Variants in RBM12 observed in about 807,000 individuals in gnomAD.
RBM12 encodes RNA binding motif protein 12, also known as RNA-binding protein 12.
RBM12 carries 24 observed loss-of-function variants against 37.2 expected under a neutral mutation model. The ratio of observed to expected loss-of-function variants is 0.65; its 90% CI spans 0.47 to 0.91. The LOEUF (loss-of-function observed/expected upper bound fraction) is 0.91, where lower values mean the gene tolerates loss of function less well. Among genes scored for constraint, RBM12 ranks in the 40% least tolerant of loss-of-function variants. RBM12 has a pLI of 0.00. For synonymous variants in RBM12, 420 were observed against 425.2 expected, an observed-to-expected ratio of 0.99 and a Z score of 0.15; for missense variants, 1,061 against 1,183.2, an observed-to-expected ratio of 0.90 and a Z score of 1.52.
chr20:35,661,480 G>C (rs771570059), intron 1 of RBM12, among the ~76,000 whole-genome samples: 1 of 152,162 alleles, frequency 6.6e-6, no homozygotes. Flanking sequence ...TAGGAAAGGA[G>C]AAAATGGGCC....
chr20:35,664,749 G>C lies in RBM12; in HGVS notation c.-108+11C>G, dbSNP rs1282072905. 1.3e-5 allele frequency: 2 copies of C among 152,316 alleles called. No homozygotes were observed. The highest frequency in any genetic ancestry group is 4.8e-5 in the African/African-American group (2 of 41,464). 9.4% of individuals were successfully genotyped at this position (152,316 alleles called of 1,614,324 possible). ...ACAGCCCCACCCGTTCAGGGGCTGCGGGAGTCTTACCGGGGAAAGCTGCGC... is the reference window on the plus strand; with the variant it reads ...ACAGCCCCACCCGTTCAGGGGCTGCCGGAGTCTTACCGGGGAAAGCTGCGC... On this transcript the variant is annotated intron_variant, in intron 1 of 2. Transcript: ENST00000374114.
Position 35,649,159 on chromosome 20 carries a change from G to A in RBM12, c.*3365C>T, listed in dbSNP as rs2033329121. 1 of 152,322 alleles carries A rather than the reference G, an allele frequency of 6.6e-6. No homozygotes were observed. Among genetic ancestry groups the A allele is most frequent in the Non-Finnish European group, 1.5e-5 (1 of 68,038 alleles). The allele number at this position is 152,322 out of a possible 1,614,324, so 9.4% of individuals were successfully genotyped here. Reference sequence around the variant, plus strand: ...ATTTAAATGTGGCAATTTTGCAAGGGTGGAAAATAATTTTTAAAGTGACCA... The same window carrying A: ...ATTTAAATGTGGCAATTTTGCAAGGATGGAAAATAATTTTTAAAGTGACCA... On this transcript the variant is annotated 3_prime_UTR_variant, in exon 3 of 3. Transcript: ENST00000374114.
chr20:35,651,217 T>C lies in RBM12; in HGVS notation c.*1307A>G, dbSNP rs1441795892. 1 of 152,228 alleles carries C rather than the reference T, an allele frequency of 6.6e-6. No homozygotes were observed. Among genetic ancestry groups the C allele is most frequent in the Admixed American group, 6.5e-5 (1 of 15,282 alleles). The allele number at this position is 152,228 out of a possible 1,614,324, so 9.4% of individuals were successfully genotyped here. On this transcript the variant is annotated 3_prime_UTR_variant, in exon 3 of 3. Transcript: ENST00000374114. Reference sequence around the variant, plus strand: ...TTCAGAGCACTGACTAGGGAAATCATAATTAGAGCCTTGTAAGGCAAGTGT... The same window carrying C: ...TTCAGAGCACTGACTAGGGAAATCACAATTAGAGCCTTGTAAGGCAAGTGT...
chr20:35,652,911 C>G lies in RBM12; in HGVS notation c.2412G>C (p.Gly804=). 1 of 1,613,736 alleles carries G rather than the reference C, an allele frequency of 6.2e-7. No homozygotes were observed. Among genetic ancestry groups the G allele is most frequent in the Non-Finnish European group, 8.5e-7 (1 of 1,180,018 alleles). ...NGPGSLGGPP[G]FGSGPPGLGS... is the part of the protein sequence containing the mutation. Reference sequence around the variant, plus strand: ...CAAGACCAGGAGGGCCACTTCCAAACCCCGGGGGACCGCCTAAGCTACCAG... The same window carrying G: ...CAAGACCAGGAGGGCCACTTCCAAAGCCCGGGGGACCGCCTAAGCTACCAG... The change falls in exon 3 of 3, where the codon GGG becomes GGC. Residue 804 remains glycine (G), a synonymous_variant. Coordinates refer to ENST00000374114, the MANE Select transcript of RBM12 (RefSeq NM_006047.6).
intron 2 of RBM12, among the ~76,000 whole-genome samples, chr20:35,656,955 C>T (rs2033937328): frequency 6.6e-6 from 1 of 152,200 alleles, no homozygotes; most frequent in African/African-American, 2.4e-5. Context: ...AATTCTGTAA[C>T]TTCATTGTCA....
At chr20:35,660,606 CAG>C (rs988524336) in intron 1 of RBM12, among the ~76,000 whole-genome samples, 1 of 152,064 alleles carries the variant, frequency 6.6e-6, no homozygotes, top group African/African-American at 2.4e-5. Context: ...AAATGTGAAA[CAG>C]AAAAAAACCT....
At chr20:35,658,831 AC>A (rs2034063560) in intron 2 of RBM12, 98 bp downstream of exon 2, 3 of 640,016 alleles carry the variant, frequency 4.7e-6, no homozygotes, top group African/African-American at 3.8e-5. Flanking sequence ...ACACACACAC[AC>A]ACACACAATA....
Position 35,664,900 on chromosome 20 carries a change from T to C in RBM12, c.-248A>G, listed in dbSNP as rs1337934428. Reference sequence around the variant, plus strand: ...CCACCTCCTTCGCCGCTTCACAAAATGGCCGTCGGCCCGCTCAGCGGCTCC... The same window carrying C: ...CCACCTCCTTCGCCGCTTCACAAAACGGCCGTCGGCCCGCTCAGCGGCTCC... On this transcript the variant is annotated 5_prime_UTR_variant, in exon 1 of 3. Coordinates refer to ENST00000374114, the MANE Select transcript of RBM12 (RefSeq NM_006047.6). 6.6e-6 allele frequency: 1 copy of C among 152,316 alleles called. No individual in the cohort carries two copies. The allele number at this position is 152,316 out of a possible 1,614,324, so 9.4% of individuals were successfully genotyped here.
chr20:35,652,851 A>T lies in RBM12; in HGVS notation c.2472T>A (p.Ala824=), dbSNP rs1016790039. 3 of 1,607,124 alleles carry T rather than the reference A, an allele frequency of 1.9e-6. No individual in the cohort carries two copies. The highest frequency in any genetic ancestry group is 1.3e-5 in the African/African-American group (1 of 74,688). ...SAPGHLGGPP[A]FGPGPGPGPG... ...GGCCGGGGCCGGGGCCAGGCCCAAA[A>T]GCTGGTGGCCCACCCAAATGCCCAG... The change falls in exon 3 of 3, where the codon GCT becomes GCA. Residue 824 remains alanine (A), a synonymous_variant. Coordinates refer to ENST00000374114, the MANE Select transcript of RBM12 (RefSeq NM_006047.6).
rs759788110 is a variant in RBM12, at chr20:35,653,776, A to G, written c.1547T>C (p.Met516Thr). Residue 516 changes from methionine to threonine, a missense_variant, in exon 3 of 3, where the codon ATG becomes ACG. By Grantham distance (81) the Met-to-Thr change is moderately conservative. Coordinates refer to ENST00000374114, the MANE Select transcript of RBM12 (RefSeq NM_006047.6). ...TKKGMLEKID[M>T]IRKRLQNFSY... ...GAAGTTCTGCAGTCTTTTTCGAATC[A>G]TATCTATCTTTTCTAGCATACCTTT... The G allele has an allele frequency of 1.6e-5, 26 of 1,613,926 alleles. No homozygotes were observed. The Admixed American group carries it at 3.7e-4, about 23-fold the overall frequency.
In RBM12 at chr20:35,654,562, G is replaced by C. The variant is rs764477459; in HGVS notation, c.761C>G (p.Pro254Arg). 1.2e-6 allele frequency: 2 copies of C among 1,614,226 alleles called. No individual in the cohort carries two copies. Among genetic ancestry groups the C allele is most frequent in the Admixed American group, 3.3e-5 (2 of 60,028 alleles). ...MPPLNPPPVA[P>R]LPAGMNGSGA... is the part of the protein sequence containing the mutation. Reference sequence around the variant, plus strand: ...AGAGCCATTCATTCCAGCAGGTAGAGGTGCCACAGGTGGCGGATTCAAGGG... The same window carrying C: ...AGAGCCATTCATTCCAGCAGGTAGACGTGCCACAGGTGGCGGATTCAAGGG... The change falls in exon 3 of 3, where the codon CCT becomes CGT. Residue 254 changes from proline to arginine, a missense_variant. Pro to Arg is a moderately radical substitution (Grantham distance 103, BLOSUM62 -2). Coordinates refer to ENST00000374114, the MANE Select transcript of RBM12 (RefSeq NM_006047.6).
chr20:35,650,852 T>C lies in RBM12; in HGVS notation c.*1672A>G, dbSNP rs1022297757. On this transcript the variant is annotated 3_prime_UTR_variant, in exon 3 of 3. Transcript: ENST00000374114. ...GGCACTGTATATATATATAGTTTAA[T>C]AGGAAATACTTATTTTAAAAGACTG... is the stretch of plus-strand genomic sequence containing the variant. The C allele has an allele frequency of 2.0e-5, 3 of 152,628 alleles. No homozygotes were observed. The highest frequency in any genetic ancestry group is 2.1e-4 in the South Asian group (1 of 4,834). 9.5% of individuals were successfully genotyped at this position (152,628 alleles called of 1,614,324 possible).
rs1452560566 is a variant in RBM12 at position 35,653,855 on chromosome 20, G to A, written c.1468C>T (p.Arg490Cys). Residue 490 changes from arginine to cysteine, a missense_variant, in exon 3 of 3, where the codon CGT becomes TGT. This residue lies in a region of RBM12 where 540 missense variants were observed against 632.7 expected (regional missense o/e 0.85). Transcript: ENST00000374114. ...CGATTGCCCATGTACTGTTTATGAC[G>A]ACACAGAGCAGCCTTATAGTCAGCC... The part of the protein sequence containing the change: ...NEADYKAALC[R>C]HKQYMGNRFI... 9 of 1,613,730 alleles carry A rather than the reference G, an allele frequency of 5.6e-6. No homozygotes were observed. Among genetic ancestry groups the A allele is most frequent in the Non-Finnish European group, 7.6e-6 (9 of 1,180,024 alleles).
chr20:35,658,802 A>AACACAC lies in RBM12; in HGVS notation c.-23+122_-23+127dup, dbSNP rs10542710. ...TCAAAACAAAAAACAAGCAAACAAA[A>AACACAC]ACACACACACACACACACACACACA... On this transcript the variant is annotated intron_variant, in intron 2 of 2. Transcript: ENST00000374114. 4.6e-3 allele frequency: 2,190 copies of AACACAC among 473,490 alleles called. 14 individuals carry two copies. Among genetic ancestry groups the AACACAC allele is most frequent in the African/African-American group, 0.026 (1,238 of 47,060 alleles). 29.3% of individuals were successfully genotyped at this position (473,490 alleles called of 1,614,324 possible).
At position 35,650,425 on chromosome 20, in the gene RBM12, T is replaced by C. The variant is rs1443986765; in HGVS notation, c.*2099A>G. 1 of 152,610 alleles carries C rather than the reference T, an allele frequency of 6.6e-6. No homozygotes were observed. The highest frequency in any genetic ancestry group is 2.4e-5 in the African/African-American group (1 of 41,464). 9.5% of individuals were successfully genotyped at this position (152,610 alleles called of 1,614,324 possible). A position where few individuals can be genotyped will look rare whatever the true frequency, so the allele number is the denominator to read the frequency against. ...TTCATCTTCAAACAACCCATTTTTC[T>C]AAAATGAAAATAGCTTTCCAATGGA... On this transcript the variant is annotated 3_prime_UTR_variant, in exon 3 of 3. Transcript: ENST00000374114.
intron 1 of RBM12, among the ~76,000 whole-genome samples, chr20:35,663,478 A>G (rs1381815202): frequency 1.3e-5 from 2 of 152,168 alleles, no homozygotes; most frequent in African/African-American, 4.8e-5. Flanking sequence ...ACAAACCTTC[A>G]GTTGCCATCA....
At chr20:35,656,611 G>C (rs142393403) in intron 2 of RBM12, among the ~76,000 whole-genome samples, 1 of 152,066 alleles carries the variant, frequency 6.6e-6, no homozygotes, top group Non-Finnish European at 1.5e-5. Context: ...CTCGGTTCAC[G>C]GCAACCTCCA....
At chr20:35,662,009 CCA>C (rs1368511766) in intron 1 of RBM12, among the ~76,000 whole-genome samples, 7 of 152,154 alleles carry the variant, frequency 4.6e-5, no homozygotes, top group African/African-American at 9.7e-5. Context: ...TATGAAACAA[CCA>C]CAGTTTCAGC....
chr20:35,657,418 T>C (rs2033962962), intron 2 of RBM12, among the ~76,000 whole-genome samples: 1 of 152,188 alleles, frequency 6.6e-6, no homozygotes, highest in African/African-American at 2.4e-5. Context: ...GGTTAATCAC[T>C]TTGTATAGGG....
Sources: gnomAD v4.1 joint callset for allele counts (sites outside exome capture counted in the v4.1 genomes callset) on GRCh38, gnomAD v4.1.1 for gene constraint, gnomAD v4.1.1 regional missense constraint, MANE v1.5 for transcripts, NCBI Gene and HGNC (gene_info 2026-07-23, HGNC 2026-07-21) for gene names.